Variants in CCR5AS observed in about 807,000 individuals in gnomAD.
CCR5AS encodes CCR5 antisense RNA.
intron 2 of CCR5AS, among the ~76,000 whole-genome samples, chr3:46,392,370 T>G (rs890835072): frequency 6.6e-6 from 1 of 152,072 alleles, no homozygotes; most frequent in Non-Finnish European, 1.5e-5. Flanking sequence ...GTGTTTTAAG[T>G]TTTAAGAACA....
At chr3:46,380,184 G>A (rs1156807982) in intron 2 of CCR5AS, among the ~76,000 whole-genome samples, 1 of 152,092 alleles carries the variant, frequency 6.6e-6, no homozygotes, top group South Asian at 2.1e-4. Context: ...CCCCCTGAAG[G>A]GTGAGAGTTC....
intron 1 of CCR5AS, among the ~76,000 whole-genome samples, chr3:46,394,052 C>T (rs1701938729): frequency 6.6e-6 from 1 of 152,170 alleles, no homozygotes; most frequent in South Asian, 2.1e-4. Flanking sequence ...CTTCTCCCAC[C>T]CCACAGTTAC....
At chr3:46,400,202 G>A (rs1451492375) in intron 1 of CCR5AS, among the ~76,000 whole-genome samples, 1 of 152,124 alleles carries the variant, frequency 6.6e-6, no homozygotes, top group African/African-American at 2.4e-5. Context: ...TGTTGCCCAA[G>A]CTGGTCTTGA....
chr3:46,369,246 A>AAGGCAC (rs1400208171), intron 3 of CCR5AS, among the ~76,000 whole-genome samples: 1 of 152,202 alleles, frequency 6.6e-6, no homozygotes, highest in Non-Finnish European at 1.5e-5. Context: ...ACAGAGCTTC[A>AAGGCAC]ATAATTTGGT....
At chr3:46,395,945 G>A (rs1701958750) in intron 1 of CCR5AS, among the ~76,000 whole-genome samples, 1 of 152,220 alleles carries the variant, frequency 6.6e-6, no homozygotes. Flanking sequence ...CTAGGAGGTT[G>A]TGGGTCCTGG....
At chr3:46,371,534 GC>G (rs1701659749) in intron 2 of CCR5AS, 1 of 152,140 alleles carries the variant, frequency 6.6e-6, no homozygotes, top group Non-Finnish European at 1.5e-5. Flanking sequence ...TTAAAAATGA[GC>G]TTTTCTAGGG....
intron 1 of CCR5AS, among the ~76,000 whole-genome samples, chr3:46,405,684 A>T (rs932272051): frequency 3.9e-5 from 6 of 152,272 alleles, no homozygotes; most frequent in African/African-American, 1.4e-4. Context: ...GGGCACTTAC[A>T]GCTTAGGTTC....
chr3:46,389,642 G>T (rs1701893446), intron 2 of CCR5AS, among the ~76,000 whole-genome samples: 1 of 152,206 alleles, frequency 6.6e-6, no homozygotes, highest in Non-Finnish European at 1.5e-5. Flanking sequence ...GAGTGCTAGT[G>T]TGGGAGCTGT....
intron 2 of CCR5AS, among the ~76,000 whole-genome samples, chr3:46,384,745 T>C (rs542643877): frequency 6.6e-6 from 1 of 152,272 alleles, no homozygotes; most frequent in African/African-American, 2.4e-5. Flanking sequence ...GGAACTCTTA[T>C]GCAAATGTGC....
At chr3:46,403,057 C>CA (rs1483413474) in intron 1 of CCR5AS, among the ~76,000 whole-genome samples, 4 of 152,154 alleles carry the variant, frequency 2.6e-5, no homozygotes, top group Non-Finnish European at 4.4e-5. Flanking sequence ...CGTGTTTCCA[C>CA]AAAAAAACAT....
intron 1 of CCR5AS, among the ~76,000 whole-genome samples, chr3:46,399,186 G>A (rs145097832): frequency 6.6e-6 from 1 of 152,340 alleles, no homozygotes; most frequent in Non-Finnish European, 1.5e-5. Context: ...ATGTAATGGT[G>A]TTTGTGGGCT....
intron 1 of CCR5AS, among the ~76,000 whole-genome samples, chr3:46,394,843 C>A (rs1450488781): frequency 6.6e-6 from 1 of 152,062 alleles, no homozygotes; most frequent in Non-Finnish European, 1.5e-5. Context: ...GGGCTGGAAC[C>A]TGGGAAGGAG....
intron 1 of CCR5AS, among the ~76,000 whole-genome samples, chr3:46,400,380 G>T (rs957652103): frequency 6.6e-6 from 1 of 152,208 alleles, no homozygotes; most frequent in Admixed American, 6.5e-5. Flanking sequence ...AGAGGTCAGG[G>T]TGTTGACAAG....
chr3:46,372,762 G>C, intron 2 of CCR5AS: 2 of 639,350 alleles, frequency 3.1e-6, no homozygotes, highest in Non-Finnish European at 5.2e-6. Context: ...GCCAAAAAGA[G>C]AGTTAATTCA....
intron 2 of CCR5AS, chr3:46,374,792 G>A: frequency 6.0e-6 from 1 of 167,508 alleles, no homozygotes. Context: ...GGCCAAAGGA[G>A]GGTCAGGAAG....
intron 1 of CCR5AS, among the ~76,000 whole-genome samples, chr3:46,399,061 T>A (rs1219418329): frequency 1.3e-5 from 2 of 152,344 alleles, no homozygotes; most frequent in Non-Finnish European, 2.9e-5. Context: ...CTCATCTTCA[T>A]CTACACTACA....
At chr3:46,396,222 A>C (rs967165521) in intron 1 of CCR5AS, among the ~76,000 whole-genome samples, 1 of 152,198 alleles carries the variant, frequency 6.6e-6, no homozygotes, top group African/African-American at 2.4e-5. Flanking sequence ...AAGATGATTC[A>C]TATCAGACCA....
At chr3:46,369,666 GTT>G (rs751153910) in intron 3 of CCR5AS, among the ~76,000 whole-genome samples, 3 of 152,192 alleles carry the variant, frequency 2.0e-5, no homozygotes, top group Non-Finnish European at 4.4e-5. Flanking sequence ...GTAACTAAGA[GTT>G]TGATGTTTAC....
At chr3:46,374,994 C>T (rs954806119) in intron 2 of CCR5AS, 1 of 167,398 alleles carries the variant, frequency 6.0e-6, no homozygotes, top group African/African-American at 2.4e-5. Flanking sequence ...AAGTGAGGGT[C>T]AGAGAGGAGT....
Sources: allele counts gnomAD v4.1 joint callset (sites outside exome capture counted in the v4.1 genomes callset), GRCh38; gene constraint gnomAD v4.1.1; transcripts MANE v1.5; gene names NCBI Gene and HGNC (gene_info 2026-07-23, HGNC 2026-07-21).